NOL7: variants seen among roughly 807,000 people sequenced by gnomAD.
NOL7 encodes the protein nucleolar protein 7.
A neutral mutation model predicts 38.4 loss-of-function variants in NOL7; 36 were observed. The ratio of observed to expected loss-of-function variants is 0.94; its 90% confidence interval spans 0.72 to 1.24. The LOEUF (loss-of-function observed/expected upper bound fraction) is 1.24. Among genes scored for constraint, NOL7 ranks in the 50% most tolerant of loss-of-function variants. NOL7 has a pLI of 0.00. For missense variants in NOL7, 350 were observed against 315.1 expected (o/e 1.11, Z -0.84); for synonymous variants, 142 against 126.5 (o/e 1.12, Z -0.82).
Position 13,615,608 on chromosome 6 carries a change from C to G in NOL7, c.250C>G (p.Arg84Gly). 6.3e-7 allele frequency: 1 copy of G among 1,592,946 alleles called. No homozygotes were observed. The highest frequency in any genetic ancestry group is 2.3e-5 in the East Asian group (1 of 44,078). The change falls in exon 1 of 8, where the codon CGG (arginine) becomes GGG (glycine). Residue 84 changes from arginine (R) to glycine (G), a missense_variant. By Grantham distance (125) the Arg-to-Gly change is moderately radical. Coordinates refer to ENST00000451315, the MANE Select transcript of NOL7 (RefSeq NM_016167.5). ...AGCGAGAGAAGAGGAGCGGCGAGTG[C>G]GGGAGACCGTGCGCAGGTTCGGAGC... Reference protein sequence around the residue: ...AEAREEERRVRETVRRDKTLL... With the variant: ...AEAREEERRVGETVRRDKTLL...
intron 8 of NOL7, among the ~76,000 whole-genome samples, chr6:13,630,327 A>C (rs1764742280): frequency 6.6e-6 from 1 of 152,198 alleles, no homozygotes; most frequent in Admixed American, 6.5e-5. Context: ...TATATAACCA[A>C]GGAATATCTT....
chr6:13,630,628 A>C (rs943101917), intron 8 of NOL7, among the ~76,000 whole-genome samples: 9 of 152,184 alleles, frequency 5.9e-5, no homozygotes, highest in African/African-American at 1.9e-4. Flanking sequence ...CTGTGAAGTC[A>C]AAATTATTTG....
chr6:13,620,289 AC>A lies in NOL7; in HGVS notation c.583del (p.His195IlefsTer14), dbSNP rs1478435452. 6.2e-7 allele frequency: 1 copy of A among 1,614,246 alleles called. No homozygotes were observed. Among genetic ancestry groups the A allele is most frequent in the Non-Finnish European group, 8.5e-7 (1 of 1,180,042 alleles). On this transcript the variant is annotated frameshift_variant, in exon 6 of 8. Coordinates refer to ENST00000451315, the MANE Select transcript of NOL7 (RefSeq NM_016167.5). LOFTEE classifies it high-confidence loss of function. ...SRQQAAQAFI[H>X]NSLYGPGTNR... ...GGCAACAAGCAGCACAAGCCTTCAT[AC>A]ATAATTCATTATATGGGCCAGGAAC...
At chr6:13,628,407 G>GA (rs1446189613) in intron 8 of NOL7, among the ~76,000 whole-genome samples, 1 of 152,034 alleles carries the variant, frequency 6.6e-6, no homozygotes, top group African/African-American at 2.4e-5. Context: ...AGAGAAAGGA[G>GA]AAAAAAGCAT....
At chr6:13,615,913 T>C in intron 2 of NOL7, 141 bp downstream of exon 2, 2 of 902,956 alleles carry the variant, frequency 2.2e-6, no homozygotes, top group South Asian at 1.8e-5. Flanking sequence ...GGAAAGATGC[T>C]CGGGCCGGGC....
chr6:13,617,330 T>C (rs977348083), intron 3 of NOL7, among the ~76,000 whole-genome samples: 8 of 151,980 alleles, frequency 5.3e-5, no homozygotes, highest in Non-Finnish European at 5.9e-5. Context: ...TCCATTTACA[T>C]TTCTCTCTCC....
chr6:13,628,745 G>A (rs1764693744), intron 8 of NOL7, among the ~76,000 whole-genome samples: 1 of 152,220 alleles, frequency 6.6e-6, no homozygotes, highest in African/African-American at 2.4e-5. Context: ...AAAGCCTGCT[G>A]TAAAAGTTAA....
intron 5 of NOL7, 23 bp from the exon 6 acceptor site, chr6:13,620,185 T>G (rs1165210533): frequency 1.3e-5 from 20 of 1,588,090 alleles, no homozygotes; most frequent in Non-Finnish European, 1.6e-5. Context: ...AATTCTTATT[T>G]AACCTTTTAT....
At chr6:13,620,375 A>T (rs750045528) in intron 6 of NOL7, 33 bp from the exon 7 acceptor site, 1 of 1,613,914 alleles carries the variant, frequency 6.2e-7, no homozygotes, top group Non-Finnish European at 8.5e-7. Context: ...CTGCAAATAA[A>T]ACTGTGAAAT....
rs753006151 is a variant in NOL7 at position 13,621,641 on chromosome 6, A to G, written c.*814A>G. ...AATTGACTAAATATTTGGTTTTTAT[A>G]TAAATAAAGGTCATAACCACACCGT... On this transcript the variant is annotated 3_prime_UTR_variant, in exon 8 of 8. Coordinates refer to ENST00000451315, the MANE Select transcript of NOL7 (RefSeq NM_016167.5). 4 of 152,654 alleles carry G rather than the reference A, an allele frequency of 2.6e-5. No individual in the cohort carries two copies. Among genetic ancestry groups the G allele is most frequent in the Non-Finnish European group, 5.9e-5 (4 of 68,030 alleles). The allele number at this position is 152,654 out of a possible 1,614,324, so 9.5% of individuals were successfully genotyped here.
Position 13,631,554 on chromosome 6 carries a change from C to T in NOL7, n.574-839C>T, listed in dbSNP as rs77127542. 3.6e-3 allele frequency among the ~76,000 whole-genome samples: 552 copies of T among 152,288 alleles called. 3 individuals carry two copies. Among genetic ancestry groups the T allele is most frequent in the African/African-American group, 0.013 (525 of 41,554 alleles). On this transcript the variant is annotated intron_variant and non_coding_transcript_variant, in intron 8 of 8. Coordinates refer to the NOL7 transcript ENST00000474485. ...ACTCAACCTGTACTAACTTTCAGTC[C>T]AGGTCAGGAAGAAACAGCGGCAGGA...
downstream of NOL7, among the ~76,000 whole-genome samples, chr6:13,624,882 C>T (rs1764557979): frequency 6.6e-6 from 1 of 152,126 alleles, no homozygotes; most frequent in Non-Finnish European, 1.5e-5. Flanking sequence ...CGGGTACTCA[C>T]AAGTCATCAG....
chr6:13,624,299 G>A (rs1035375098), downstream of NOL7, among the ~76,000 whole-genome samples: 1 of 152,162 alleles, frequency 6.6e-6, no homozygotes, highest in Non-Finnish European at 1.5e-5. Context: ...CATTCTTGCT[G>A]TAAGAGTCCT....
chr6:13,631,311 T>C (rs1764774228), intron 8 of NOL7, among the ~76,000 whole-genome samples: 1 of 152,198 alleles, frequency 6.6e-6, no homozygotes, highest in South Asian at 2.1e-4. Flanking sequence ...TGCCTTTAAC[T>C]TGAGGTGCTC....
chr6:13,615,579 C>A lies in NOL7; in HGVS notation c.221C>A (p.Ala74Glu). The change falls in exon 1 of 8, where the codon GCG becomes GAG. Residue 74 changes from alanine (A) to glutamate (E), a missense_variant. Transcript: ENST00000451315. Reference protein sequence around the residue: ...PEELTFASAQAEAREEERRVR... With the variant: ...PEELTFASAQEEAREEERRVR... ...GAGCTGACTTTCGCCAGCGCCCAGG[C>A]GGAAGCGAGAGAAGAGGAGCGGCGA... 6.3e-7 allele frequency: 1 copy of A among 1,574,956 alleles called. No homozygotes were observed. Among genetic ancestry groups the A allele is most frequent in the South Asian group, 1.1e-5 (1 of 87,388 alleles).
Position 13,615,741 on chromosome 6 carries a change from AGCGAC to A in NOL7, c.301_305del (p.Arg101GlyfsTer27). On this transcript the variant is annotated frameshift_variant, in exon 2 of 8. Transcript: ENST00000451315. LOFTEE classifies it high-confidence loss of function. ...AAAACGCTCCTGAAGGAGAAGAGGA[AGCGAC>A]GCGAGGAGCTGTTCATCGAACAGAA... is the stretch of plus-strand genomic sequence containing the variant. 1 of 1,614,082 alleles carries A rather than the reference AGCGAC, an allele frequency of 6.2e-7. No homozygotes were observed. Among genetic ancestry groups the A allele is most frequent in the Non-Finnish European group, 8.5e-7 (1 of 1,179,970 alleles).
downstream of NOL7, chr6:13,622,534 G>C: frequency 2.0e-6 from 3 of 1,507,346 alleles, no homozygotes; most frequent in Non-Finnish European, 2.7e-6. Flanking sequence ...CAATTAGCAA[G>C]ACATTTTAAA....
At chr6:13,625,170 G>A (rs1764566951), downstream of NOL7, among the ~76,000 whole-genome samples, 2 of 152,098 alleles carry the variant, frequency 1.3e-5, no homozygotes, top group Non-Finnish European at 2.9e-5. Context: ...TAACTCTTGT[G>A]ACAATTATTA....
At chr6:13,623,168 A>G (rs1254034996), downstream of NOL7, among the ~76,000 whole-genome samples, 3 of 152,380 alleles carry the variant, frequency 2.0e-5, no homozygotes, top group East Asian at 5.8e-4. Flanking sequence ...AATAATTAAC[A>G]AAATTTGTTC....
Sources: gnomAD v4.1 joint callset for allele counts (sites outside exome capture counted in the v4.1 genomes callset) on GRCh38, gnomAD v4.1.1 for gene constraint, MANE v1.5 for transcripts, NCBI Gene and HGNC (gene_info 2026-07-23, HGNC 2026-07-21) for gene names.